TYRO3: variants seen among roughly 807,000 people sequenced by gnomAD.
The protein encoded by TYRO3 is tyrosine-protein kinase receptor TYRO3.
TYRO3 carries 38 observed loss-of-function variants against 95.2 expected under a neutral mutation model. The ratio of observed to expected loss-of-function variants is 0.40; its 90% CI spans 0.31 to 0.52. The LOEUF is 0.52. TYRO3 is among the 20% of genes least tolerant of loss of function. TYRO3 has a pLI of 0.56. For synonymous variants in TYRO3, 367 were observed against 432.9 expected (o/e 0.85, Z 1.89); for missense variants, 812 against 1,116.4 (o/e 0.73, Z 3.89).
At position 41,581,534 on chromosome 15, in the gene TYRO3, C is replaced by T. The variant is rs1566906342; in HGVS notation, c.*3258C>T. 6.6e-6 allele frequency: 1 copy of T among 152,090 alleles called. No homozygotes were observed. The highest frequency in any genetic ancestry group is 1.5e-5 in the Non-Finnish European group (1 of 68,018). 9.4% of individuals were successfully genotyped at this position (152,090 alleles called of 1,614,324 possible). The stretch of plus-strand genomic sequence containing the variant: ...ATCTGGGAATTATTGATTGAAAAGA[C>T]CTTCACTATCGGTTGGGGGCGGTGG... On this transcript the variant is annotated 3_prime_UTR_variant, in exon 19 of 19. Transcript: ENST00000263798.
At chr15:41,574,867 G>A (rs546114230) in intron 18 of TYRO3, among the ~76,000 whole-genome samples, 2 of 152,228 alleles carry the variant, frequency 1.3e-5, no homozygotes, top group Non-Finnish European at 1.5e-5. Flanking sequence ...CTACAGGCAC[G>A]TGCCACCACA....
chr15:41,572,951 C>T (rs1223449120), intron 15 of TYRO3, 51 bp from the exon 16 acceptor site: 2 of 1,251,366 alleles, frequency 1.6e-6, no homozygotes, highest in Non-Finnish European at 1.1e-6. Flanking sequence ...ATCCATCCTG[C>T]CCCAGCTGGG....
At position 41,570,708 on chromosome 15, in the gene TYRO3, G is replaced by A. The variant is rs770999671; in HGVS notation, c.1579+9G>A. 1 of 1,611,876 alleles carries A rather than the reference G, an allele frequency of 6.2e-7. No homozygotes were observed. Among genetic ancestry groups the A allele is most frequent in the South Asian group, 1.1e-5 (1 of 91,054 alleles). ...CCGGATGTTGGGCAAAGGTATGTGA[G>A]GCTGTGTGGGGATGGGCATGGCTGG... On this transcript the variant is annotated intron_variant, in intron 12 of 18. Coordinates refer to ENST00000263798, the MANE Select transcript of TYRO3 (RefSeq NM_006293.4).
intron 3 of TYRO3, 67 bp downstream of exon 3, chr15:41,561,706 C>A: frequency 8.0e-7 from 1 of 1,245,146 alleles, no homozygotes; most frequent in Non-Finnish European, 1.1e-6. Context: ...GACTATACCT[C>A]TGCAGCGGAG....
chr15:41,570,128 C>T lies in TYRO3; in HGVS notation c.1354C>T (p.Arg452Ter), dbSNP rs774745326. ...TGCTGCCCTGGCCCTCATCCTGCTT[C>T]GAAAGAGACGGAAAGAGACGCGGTT... ...TAAALALILLRKRRKETRFGQ... is the reference protein window; with the variant it reads ...TAAALALILL Residue 452 changes from arginine to a stop codon, truncating the protein, a stop_gained, in exon 10 of 19, where the codon CGA becomes TGA. Transcript: ENST00000263798. LOFTEE classifies it high-confidence loss of function. 4.3e-6 allele frequency: 7 copies of T among 1,614,146 alleles called. No individual in the cohort carries two copies. Among genetic ancestry groups the T allele is most frequent in the South Asian group, 2.2e-5 (2 of 91,086 alleles).
chr15:41,565,385 A>C (rs1207336782), intron 6 of TYRO3, among the ~76,000 whole-genome samples: 1 of 151,752 alleles, frequency 6.6e-6, no homozygotes, highest in Non-Finnish European at 1.5e-5. Context: ...ACTAGAACAG[A>C]TTTGGGGTAC....
chr15:41,568,400 G>A (rs903882361), intron 8 of TYRO3, 38 bp downstream of exon 8: 7 of 1,584,578 alleles, frequency 4.4e-6, no homozygotes, highest in East Asian at 2.2e-5. Flanking sequence ...CTCTCCTGGA[G>A]TATAAGCCTT....
At chr15:41,577,172 T>A (rs2055870155) in intron 18 of TYRO3, among the ~76,000 whole-genome samples, 1 of 152,064 alleles carries the variant, frequency 6.6e-6, no homozygotes, top group Admixed American at 6.6e-5. Flanking sequence ...TTGTGAGAAA[T>A]AATAAGCTAG....
At position 41,571,037 on chromosome 15, in the gene TYRO3, G is replaced by A. The variant is rs931710352; in HGVS notation, c.1580-1G>A. Reference sequence around the variant, plus strand: ...TCTCCCTTACTTGGATTGGTTCCTAGGAGAGTTTGGTTCAGTGCGGGAGGC... The same window carrying A: ...TCTCCCTTACTTGGATTGGTTCCTAAGAGAGTTTGGTTCAGTGCGGGAGGC... On this transcript the variant is annotated splice_acceptor_variant, in intron 12 of 18. Transcript: ENST00000263798. LOFTEE classifies it high-confidence loss of function. 2 of 1,613,998 alleles carry A rather than the reference G, an allele frequency of 1.2e-6. No individual in the cohort carries two copies. Among genetic ancestry groups the A allele is most frequent in the Admixed American group, 3.3e-5 (2 of 60,014 alleles).
At position 41,572,576 on chromosome 15, in the gene TYRO3, G is replaced by A. The variant is rs150945548; in HGVS notation, c.1875+12G>A. The A allele has an allele frequency of 1.2e-5, 12 of 971,266 alleles. No homozygotes were observed. In the South Asian group the frequency reaches 1.5e-4, roughly 12 times the overall value. 60.2% of individuals were successfully genotyped at this position (971,266 alleles called of 1,614,324 possible). On this transcript the variant is annotated intron_variant, in intron 15 of 18. Transcript: ENST00000263798. Reference sequence around the variant, plus strand: ...GGGAGAACCCCTTTGTGAGTACCTGGTGTGGGGGTGGCCAGGAGGAAACGG... The same window carrying A: ...GGGAGAACCCCTTTGTGAGTACCTGATGTGGGGGTGGCCAGGAGGAAACGG...
intron 5 of TYRO3, among the ~76,000 whole-genome samples, chr15:41,564,481 A>G (rs1472021301): frequency 6.6e-6 from 1 of 152,184 alleles, no homozygotes; most frequent in African/African-American, 2.4e-5. Flanking sequence ...ACGTCACAGC[A>G]GATTTCCCAT....
At position 41,578,790 on chromosome 15, in the gene TYRO3, G is replaced by A. The variant is rs1458577801; in HGVS notation, c.*514G>A. The A allele has an allele frequency of 6.0e-6, 1 of 165,736 alleles. No homozygotes were observed. The highest frequency in any genetic ancestry group is 1.3e-5 in the Non-Finnish European group (1 of 77,130). 10.3% of individuals were successfully genotyped at this position (165,736 alleles called of 1,614,324 possible). ...CCTTTTAGGTGAGGGTTGGTAAGGGGTTGGTATCTCAGGTCTGAATCTTCA... is the reference window on the plus strand; with the variant it reads ...CCTTTTAGGTGAGGGTTGGTAAGGGATTGGTATCTCAGGTCTGAATCTTCA... On this transcript the variant is annotated 3_prime_UTR_variant, in exon 19 of 19. Transcript: ENST00000263798.
At chr15:41,565,181 T>A (rs1438280826) in intron 6 of TYRO3, 40 bp downstream of exon 6, 5 of 1,317,616 alleles carry the variant, frequency 3.8e-6, no homozygotes, top group Non-Finnish European at 5.4e-6. Context: ...TCTGGCTGCA[T>A]GGCCAGCACT....
At chr15:41,563,647 C>G (rs2055684706) in intron 4 of TYRO3, among the ~76,000 whole-genome samples, 1 of 152,138 alleles carries the variant, frequency 6.6e-6, no homozygotes, top group Non-Finnish European at 1.5e-5. Flanking sequence ...CTACTCCACA[C>G]CACACTGTGC....
Position 41,570,928 on chromosome 15 carries a change from C to T in TYRO3, c.1580-110C>T, listed in dbSNP as rs531117899. The T allele has an allele frequency of 8.9e-5, 112 of 1,253,890 alleles. No individual in the cohort carries two copies. The African/African-American group carries it at 1.4e-3, about 15-fold the overall frequency. The allele number at this position is 1,253,890 out of a possible 1,614,324, so 77.7% of individuals were successfully genotyped here. ...TGGCTACTGGCAAGGGTGCCTTCTC[C>T]ACTGGCCCCAGAGTCTGCTGACTGT... On this transcript the variant is annotated intron_variant, in intron 12 of 18. Coordinates refer to ENST00000263798, the MANE Select transcript of TYRO3 (RefSeq NM_006293.4).
chr15:41,572,860 G>C, intron 15 of TYRO3, 142 bp from the exon 16 acceptor site: 1 of 758,258 alleles, frequency 1.3e-6, no homozygotes, highest in Non-Finnish European at 2.1e-6. Context: ...AAGCTTCCTT[G>C]CCTTGGGAAG....
intron 11 of TYRO3, 36 bp from the exon 12 acceptor site, chr15:41,570,568 A>G: frequency 1.5e-6 from 2 of 1,362,126 alleles, no homozygotes; most frequent in Non-Finnish European, 2.0e-6. Flanking sequence ...CTCAGGAATC[A>G]GAGATCCCTC....
chr15:41,576,046 G>A (rs572109152), intron 18 of TYRO3, among the ~76,000 whole-genome samples: 2 of 142,542 alleles, frequency 1.4e-5, no homozygotes, highest in African/African-American at 5.2e-5. Context: ...AGAGGTTCTG[G>A]TGACCCGAGA....
intron 1 of TYRO3, among the ~76,000 whole-genome samples, 185 bp downstream of exon 1, chr15:41,559,566 C>T (rs1433412590): frequency 6.6e-6 from 1 of 152,212 alleles, no homozygotes; most frequent in African/African-American, 2.4e-5. Flanking sequence ...GCCGGGCCCC[C>T]ACCCCCAACT....
Sources: allele counts gnomAD v4.1 joint callset (sites outside exome capture counted in the v4.1 genomes callset), GRCh38; gene constraint gnomAD v4.1.1; transcripts MANE v1.5; gene names NCBI Gene and HGNC (gene_info 2026-07-23, HGNC 2026-07-21).